KDM4C: variants seen among roughly 807,000 people sequenced by gnomAD.
The protein encoded by KDM4C is lysine demethylase 4C.
KDM4C carries 81 observed loss-of-function variants against 129.3 expected under a neutral mutation model. That is an observed-to-expected ratio of 0.63 (90% CI 0.52 to 0.75). The LOEUF is 0.75. KDM4C is among the 30% of genes least tolerant of loss of function. The probability of loss-of-function intolerance (pLI) is 0.00; values close to 1 mark genes in which losing one functional copy is unlikely to be tolerated. For missense variants in KDM4C, 1,457 were observed against 1,304.0 expected, an observed-to-expected ratio of 1.12 and a Z score of -1.81; for synonymous variants, 573 against 456.1, an observed-to-expected ratio of 1.26 and a Z score of -3.26.
chr9:6,793,057 G>A lies in KDM4C; in HGVS notation c.69G>A (p.Met23Ile). Residue 23 changes from methionine to isoleucine, a missense_variant, in exon 2 of 22, where the codon ATG becomes ATA. Coordinates refer to ENST00000381309, the MANE Select transcript of KDM4C (RefSeq NM_015061.6). The part of the protein sequence containing the change: ...SCKIMTFRPS[M>I]EEFREFNKYL... ...AGATAATGACCTTCAGACCCTCCAT[G>A]GAGGAGTTCCGGGAGTTCAACAAAT... The A allele has an allele frequency of 1.2e-6, 2 of 1,614,136 alleles. No individual in the cohort carries two copies. The highest frequency in any genetic ancestry group is 1.7e-6 in the Non-Finnish European group (2 of 1,180,008).
chr9:7,123,169 G>A lies in KDM4C; in HGVS notation c.2611-4897G>A, dbSNP rs188684997. 4.6e-5 allele frequency among the ~76,000 whole-genome samples: 7 copies of A among 152,138 alleles called. No individual in the cohort carries two copies. In the East Asian group the frequency reaches 1.3e-3, roughly 29 times the overall value. ...GGTTGTGTATTTAATTTATATACTGGCCATTTTTCTAACCAGCCAATCTGC... is the reference window on the plus strand; with the variant it reads ...GGTTGTGTATTTAATTTATATACTGACCATTTTTCTAACCAGCCAATCTGC... On this transcript the variant is annotated intron_variant, in intron 18 of 21. Coordinates refer to ENST00000381309, the MANE Select transcript of KDM4C (RefSeq NM_015061.6).
At chr9:6,774,746 G>A (rs1009531295) in intron 1 of KDM4C, among the ~76,000 whole-genome samples, 1 of 152,056 alleles carries the variant, frequency 6.6e-6, no homozygotes, top group South Asian at 2.1e-4. Context: ...TCTTAAAAAA[G>A]GTTTTATATG....
In KDM4C at chr9:6,958,901, G is replaced by A. The variant is rs142382402; in HGVS notation, c.922-22024G>A. On this transcript the variant is annotated intron_variant, in intron 8 of 21. Transcript: ENST00000381309. ...GGGCTCAAGCGATCCACCTGCCTTG[G>A]CCTCCCGAAGTGTTGGGATTACAGG... 4.1e-3 allele frequency among the ~76,000 whole-genome samples: 618 copies of A among 152,132 alleles called. 4 individuals are homozygous for A. Among genetic ancestry groups the A allele is most frequent in the African/African-American group, 0.013 (560 of 41,486 alleles).
At chr9:7,071,486 C>A (rs968513458) in intron 17 of KDM4C, among the ~76,000 whole-genome samples, 2 of 152,112 alleles carry the variant, frequency 1.3e-5, no homozygotes, top group Admixed American at 1.3e-4. Context: ...TAGACACATA[C>A]ACCTATGGTC....
At chr9:6,725,931 A>AT (rs1228503073) in intron 1 of KDM4C, among the ~76,000 whole-genome samples, 1,157 of 57,640 alleles carry the variant, frequency 0.02, 20 homozygotes, top group African/African-American at 0.063. Flanking sequence ...TTCTTTCTTT[A>AT]TTTTTTTTTT....
chr9:7,129,623 G>A (rs1406285974), intron 19 of KDM4C, among the ~76,000 whole-genome samples: 8 of 152,158 alleles, frequency 5.3e-5, no homozygotes, highest in Admixed American at 2.0e-4. Context: ...GAAAGAAGAT[G>A]TAATCCTTGC....
intron 4 of KDM4C, among the ~76,000 whole-genome samples, chr9:6,838,428 G>C (rs1419467438): frequency 6.6e-6 from 1 of 152,082 alleles, no homozygotes; most frequent in Non-Finnish European, 1.5e-5. Flanking sequence ...CAAGAGGATT[G>C]GAGTTATTTC....
At chr9:6,786,316 C>T (rs898684640) in intron 1 of KDM4C, among the ~76,000 whole-genome samples, 4 of 152,062 alleles carry the variant, frequency 2.6e-5, no homozygotes, top group African/African-American at 7.2e-5. Flanking sequence ...CAGAAACAAA[C>T]ATGGGTTGTT....
Position 6,814,643 on chromosome 9 carries a change from A to G in KDM4C, c.333A>G (p.Pro111=). 6.2e-7 allele frequency: 1 copy of G among 1,603,208 alleles called. No homozygotes were observed. The highest frequency in any genetic ancestry group is 2.3e-5 in the East Asian group (1 of 44,438). ...CTACCTTTTACAGATATTGTACTCC[A>G]AGATACTTGGATTACGAAGATTTGG... ...QLANSGKYCT[P]RYLDYEDLER... Residue 111 remains proline (P), a synonymous_variant, in exon 4 of 22, where the codon CCA becomes CCG. Transcript: ENST00000381309.
intron 3 of KDM4C, among the ~76,000 whole-genome samples, chr9:6,811,401 C>G (rs1363048034): frequency 4.6e-5 from 7 of 152,110 alleles, no homozygotes; most frequent in African/African-American, 1.7e-4. Flanking sequence ...ATCCGCCCAC[C>G]TCGGCTTCCC....
rs555398276 is a variant in KDM4C at position 7,053,823 on chromosome 9, C to T, written c.2424+4623C>T. On this transcript the variant is annotated intron_variant, in intron 17 of 21. Transcript: ENST00000381309. Reference sequence around the variant, plus strand: ...GCTACAGGTTGCTATCCAAAACTACCGGGTTATTAAGTAGAGTCATCCTGT... The same window carrying T: ...GCTACAGGTTGCTATCCAAAACTACTGGGTTATTAAGTAGAGTCATCCTGT... Among the ~76,000 whole-genome samples the T allele has an allele frequency of 1.1e-4, 17 of 152,192 alleles. No homozygotes were observed. In the South Asian group the frequency reaches 2.1e-3, roughly 19 times the overall value.
chr9:7,148,012 G>A (rs1842373932), intron 19 of KDM4C, among the ~76,000 whole-genome samples: 1 of 152,256 alleles, frequency 6.6e-6, no homozygotes, highest in South Asian at 2.1e-4. Flanking sequence ...GGAGCGGCGA[G>A]GTTGTGTGTG....
intron 1 of KDM4C, among the ~76,000 whole-genome samples, chr9:6,772,862 A>G (rs577609594): frequency 5.5e-4 from 75 of 135,838 alleles, no homozygotes; most frequent in Middle Eastern, 5.7e-3. Flanking sequence ...TGCCTGGCCA[A>G]TTTTTGTATT....
At chr9:6,767,050 G>C (rs1820768835) in intron 1 of KDM4C, among the ~76,000 whole-genome samples, 1 of 152,200 alleles carries the variant, frequency 6.6e-6, no homozygotes, top group South Asian at 2.1e-4. Flanking sequence ...ATGGTCACAG[G>C]CATCCCTTTG....
intron 5 of KDM4C, among the ~76,000 whole-genome samples, chr9:6,869,567 T>G (rs770607013): frequency 9.9e-5 from 15 of 152,182 alleles, no homozygotes; most frequent in Non-Finnish European, 2.2e-4. Flanking sequence ...AAGGGGAAGG[T>G]GAACTCCAGC....
intron 15 of KDM4C, among the ~76,000 whole-genome samples, chr9:7,023,006 C>A (rs1469880154): frequency 1.3e-5 from 2 of 152,138 alleles, no homozygotes; most frequent in Admixed American, 1.3e-4. Flanking sequence ...CCCACTTGGT[C>A]ATGATGAATG....
intron 11 of KDM4C, among the ~76,000 whole-genome samples, chr9:6,988,511 A>AAC (rs2131889254): frequency 6.6e-6 from 1 of 151,646 alleles, no homozygotes; most frequent in South Asian, 2.1e-4. Context: ...ATGGTGTTGG[A>AAC]TAACTCCTAG....
intron 17 of KDM4C, among the ~76,000 whole-genome samples, chr9:7,094,519 A>G (rs559598003): frequency 6.6e-6 from 1 of 152,010 alleles, no homozygotes; most frequent in Admixed American, 6.6e-5. Context: ...CTGCTGCGTG[A>G]TTTTTCTCTT....
chr9:7,022,126 T>C (rs948328278), intron 15 of KDM4C, among the ~76,000 whole-genome samples: 4 of 152,206 alleles, frequency 2.6e-5, no homozygotes, highest in African/African-American at 9.6e-5. Context: ...AGGATAGTTT[T>C]GGCTGTTCTG....
Sources: gnomAD v4.1 joint callset for allele counts (sites outside exome capture counted in the v4.1 genomes callset) on GRCh38, gnomAD v4.1.1 for gene constraint, MANE v1.5 for transcripts, NCBI Gene and HGNC (gene_info 2026-07-23, HGNC 2026-07-21) for gene names.